TRPM3: variants seen among roughly 807,000 people sequenced by gnomAD.
TRPM3 encodes the protein transient receptor potential cation channel subfamily M member 3.
In TRPM3, 77 loss-of-function variants were observed where a neutral mutation model predicts 181.2. The observed-to-expected ratio is 0.42, with a 90% CI of 0.35 to 0.51. TRPM3 has a LOEUF of 0.51. Ranked by LOEUF, TRPM3 falls within the 20% of genes least tolerant of loss-of-function variation. TRPM3 has a pLI of 0.01. For missense variants in TRPM3, 1,759 were observed against 2,196.7 expected (o/e 0.80, Z 3.98); for synonymous variants, 745 against 796.4 (o/e 0.94, Z 1.09).
chr9:70,624,821 A>T (rs768672964), intron 14 of TRPM3, among the ~76,000 whole-genome samples: 42 of 152,198 alleles, frequency 2.8e-4, no homozygotes, highest in Non-Finnish European at 1.5e-5. Context: ...GTTTGTAAAC[A>T]TGTTCTTTAT....
At chr9:71,161,345 G>A (rs893124112) in intron 1 of TRPM3, among the ~76,000 whole-genome samples, 2 of 152,058 alleles carry the variant, frequency 1.3e-5, no homozygotes, top group Non-Finnish European at 2.9e-5. Flanking sequence ...ACCCTAGAAG[G>A]TCAATGAAAT....
At chr9:71,200,420 G>A (rs1239545030) in intron 1 of TRPM3, among the ~76,000 whole-genome samples, 1 of 150,204 alleles carries the variant, frequency 6.7e-6, no homozygotes, top group Non-Finnish European at 1.5e-5. Flanking sequence ...TCAATTCCTG[G>A]GTATCCTTGT....
intron 1 of TRPM3, among the ~76,000 whole-genome samples, chr9:70,947,134 C>T (rs1008810875): frequency 6.6e-6 from 1 of 152,114 alleles, no homozygotes; most frequent in Admixed American, 6.5e-5. Flanking sequence ...TTAGAATAAA[C>T]TGAAAAAAGA....
At chr9:70,548,457 T>A (rs2045615229) in intron 25 of TRPM3, among the ~76,000 whole-genome samples, 1 of 152,208 alleles carries the variant, frequency 6.6e-6, no homozygotes, top group Admixed American at 6.5e-5. Context: ...ACCATTTAGG[T>A]AATTCCTACA....
intron 8 of TRPM3, among the ~76,000 whole-genome samples, chr9:70,699,922 A>G (rs149025209): frequency 6.6e-6 from 1 of 152,344 alleles, no homozygotes; most frequent in East Asian, 1.9e-4. Context: ...GAGGCATCAA[A>G]GATGACTCCA....
At chr9:71,347,651 C>T (rs2091372181) in intron 1 of TRPM3, among the ~76,000 whole-genome samples, 1 of 152,096 alleles carries the variant, frequency 6.6e-6, no homozygotes, top group Non-Finnish European at 1.5e-5. Flanking sequence ...TGAGGTGGCT[C>T]ATGCCTGTAA....
chr9:70,983,782 A>AG (rs2097391141), intron 1 of TRPM3, among the ~76,000 whole-genome samples: 1 of 128,174 alleles, frequency 7.8e-6, no homozygotes, highest in African/African-American at 4.1e-5. Flanking sequence ...AAAATGGGGG[A>AG]AAAAATAGAG....
intron 1 of TRPM3, among the ~76,000 whole-genome samples, chr9:70,868,529 T>C (rs1196880250): frequency 6.6e-6 from 1 of 152,052 alleles, no homozygotes; most frequent in Admixed American, 6.6e-5. Flanking sequence ...CCAAACTACT[T>C]TGAATCTTCT....
At chr9:70,616,696 TACAC>T (rs372225185) in intron 17 of TRPM3, among the ~76,000 whole-genome samples, 1 of 151,092 alleles carries the variant, frequency 6.6e-6, no homozygotes, top group Admixed American at 6.6e-5. Context: ...CAAACACACA[TACAC>T]ACACACACAC....
At chr9:71,330,689 G>T (rs1433791083) in intron 1 of TRPM3, among the ~76,000 whole-genome samples, 1 of 151,862 alleles carries the variant, frequency 6.6e-6, no homozygotes, top group African/African-American at 2.4e-5. Context: ...GTGAATTAGT[G>T]TTTAACACTT....
At chr9:70,686,543 G>T (rs1277741886) in intron 8 of TRPM3, among the ~76,000 whole-genome samples, 1 of 151,508 alleles carries the variant, frequency 6.6e-6, no homozygotes, top group Non-Finnish European at 1.5e-5. Flanking sequence ...ACTGTTCATA[G>T]TGTATACTTT....
chr9:71,108,329 G>C (rs1376703196), intron 1 of TRPM3, among the ~76,000 whole-genome samples: 1 of 152,156 alleles, frequency 6.6e-6, no homozygotes, highest in African/African-American at 2.4e-5. Context: ...GAACCATTAA[G>C]CTATTATGTG....
intron 1 of TRPM3, among the ~76,000 whole-genome samples, chr9:70,918,441 A>T (rs1012390464): frequency 1.3e-5 from 2 of 152,186 alleles, no homozygotes; most frequent in East Asian, 1.9e-4. Flanking sequence ...GACCACAATG[A>T]AATAAAACCA....
intron 1 of TRPM3, among the ~76,000 whole-genome samples, chr9:71,068,696 G>A (rs1202871480): frequency 6.6e-6 from 1 of 152,190 alleles, no homozygotes; most frequent in African/African-American, 2.4e-5. Context: ...CAGTGTTCTG[G>A]TGACTGACTC....
At chr9:70,646,546 C>T (rs2058874930) in intron 9 of TRPM3, among the ~76,000 whole-genome samples, 1 of 152,006 alleles carries the variant, frequency 6.6e-6, no homozygotes, top group South Asian at 2.1e-4. Context: ...GGGAGGAAAA[C>T]ATCACACGCC....
At chr9:70,922,528 C>T (rs1412103871) in intron 1 of TRPM3, among the ~76,000 whole-genome samples, 1 of 152,138 alleles carries the variant, frequency 6.6e-6, no homozygotes, top group Non-Finnish European at 1.5e-5. Flanking sequence ...GAAAGGCAGC[C>T]TTGACATTTT....
At chr9:71,367,675 G>T (rs968131977) in intron 1 of TRPM3, among the ~76,000 whole-genome samples, 2 of 152,076 alleles carry the variant, frequency 1.3e-5, no homozygotes, top group Non-Finnish European at 2.9e-5. Flanking sequence ...CAAATAAGAG[G>T]ATGGTTATTT....
chr9:70,743,211 G>T (rs2074493348), intron 8 of TRPM3, among the ~76,000 whole-genome samples: 1 of 152,098 alleles, frequency 6.6e-6, no homozygotes, highest in East Asian at 1.9e-4. Context: ...GATCACGGAG[G>T]GTCTTGAATG....
In TRPM3 at chr9:71,003,193, T is replaced by TAAAAA. The variant is rs34024667; in HGVS notation, c.177+117980_177+117984dup. ...CATTTTGAATCCTTTTCCCTTGCCT[T>TAAAAA]AAAAAAAAAAAAAAAAAACACTTAA... On this transcript the variant is annotated intron_variant, in intron 1 of 25. Transcript: ENST00000677713. 4.5e-3 allele frequency among the ~76,000 whole-genome samples: 576 copies of TAAAAA among 129,140 alleles called. 14 individuals are homozygous for TAAAAA. The East Asian group carries it at 0.079, about 18-fold the overall frequency. 84.7% of individuals were successfully genotyped at this position (129,140 alleles called of 152,430 possible). A position where few individuals can be genotyped will look rare whatever the true frequency, so the allele number is the denominator to read the frequency against.
Sources: gnomAD v4.1 joint callset for allele counts (sites outside exome capture counted in the v4.1 genomes callset) on GRCh38, gnomAD v4.1.1 for gene constraint, MANE v1.5 for transcripts, NCBI Gene and HGNC (gene_info 2026-07-23, HGNC 2026-07-21) for gene names.